Variants in ADAMTS12 observed in about 807,000 individuals in gnomAD.
ADAMTS12 encodes ADAM metallopeptidase with thrombospondin type 1 motif 12, also known as A disintegrin and metalloproteinase with thrombospondin motifs 12.
In ADAMTS12, 118 loss-of-function variants were observed where a neutral mutation model predicts 167.8. The ratio of observed to expected loss-of-function variants is 0.70; its 90% CI spans 0.61 to 0.82. The LOEUF is 0.82. ADAMTS12 is among the 40% of genes least tolerant of loss of function. The pLI is 0.00. For missense variants in ADAMTS12, 1,916 were observed against 1,998.8 expected (o/e 0.96, Z 0.79); for synonymous variants, 704 against 716.9 (o/e 0.98, Z 0.29).
chr5:33,716,771 G>T (rs1743631695), intron 3 of ADAMTS12, among the ~76,000 whole-genome samples: 1 of 152,108 alleles, frequency 6.6e-6, no homozygotes, highest in South Asian at 2.1e-4. Flanking sequence ...TCATGATAAA[G>T]ATCATTTTCT....
At chr5:33,686,684 G>A (rs1281292824) in intron 3 of ADAMTS12, among the ~76,000 whole-genome samples, 1 of 147,620 alleles carries the variant, frequency 6.8e-6, no homozygotes, top group Non-Finnish European at 1.5e-5. Flanking sequence ...TATAAGGAAA[G>A]GAAGAGACAT....
chr5:33,759,555 A>C (rs188733151), intron 2 of ADAMTS12, among the ~76,000 whole-genome samples: 2 of 152,290 alleles, frequency 1.3e-5, no homozygotes, highest in East Asian at 3.9e-4. Context: ...CCTTCAGTCA[A>C]TCTGCTGTCT....
chr5:33,528,463 A>T (rs1168433236), intron 23 of ADAMTS12, among the ~76,000 whole-genome samples: 2 of 152,246 alleles, frequency 1.3e-5, no homozygotes, highest in Non-Finnish European at 2.9e-5. Context: ...GTAGTTTTAA[A>T]CCCGAGTGTC....
In ADAMTS12 at chr5:33,630,202, C is replaced by T. The variant is rs191622200; in HGVS notation, c.2022+578G>A. Among the ~76,000 whole-genome samples the T allele has an allele frequency of 7.2e-4, 109 of 152,216 alleles. 1 individual carries two copies. The highest frequency in any genetic ancestry group is 6.8e-3 in the Middle Eastern group (2 of 294). On this transcript the variant is annotated intron_variant, in intron 13 of 23. Transcript: ENST00000504830. ...ACAAGTCCTGCTCCTCAGTTCCTTG[C>T]AAAATAAAATGCAAGCAGCAACAAG...
intron 23 of ADAMTS12, among the ~76,000 whole-genome samples, chr5:33,529,637 A>G (rs1394576832): frequency 6.6e-6 from 1 of 152,164 alleles, no homozygotes; most frequent in Non-Finnish European, 1.5e-5. Flanking sequence ...CCTTTAGATC[A>G]TAAAGGCAAA....
intron 7 of ADAMTS12, among the ~76,000 whole-genome samples, chr5:33,654,245 C>T (rs1740963330): frequency 6.6e-6 from 1 of 152,102 alleles, no homozygotes; most frequent in Admixed American, 6.5e-5. Flanking sequence ...GCTTTTTCAC[C>T]ATGGCCGCTT....
At chr5:33,725,768 A>G (rs1220794433) in intron 3 of ADAMTS12, among the ~76,000 whole-genome samples, 1 of 152,174 alleles carries the variant, frequency 6.6e-6, no homozygotes, top group African/African-American at 2.4e-5. Flanking sequence ...GAGAAGATTT[A>G]TCAAAGTAGG....
At chr5:33,626,826 G>A (rs1459269496) in intron 13 of ADAMTS12, among the ~76,000 whole-genome samples, 1 of 150,826 alleles carries the variant, frequency 6.6e-6, no homozygotes, top group East Asian at 2.0e-4. Context: ...TTTGACGATG[G>A]TGGTGGTGGT....
chr5:33,649,111 C>T (rs1000923874), intron 8 of ADAMTS12, 145 bp from the exon 9 acceptor site: 1 of 911,474 alleles, frequency 1.1e-6, no homozygotes, highest in Non-Finnish European at 1.6e-6. Context: ...TCTCTAGGCC[C>T]ATCATGGGAG....
intron 16 of ADAMTS12, among the ~76,000 whole-genome samples, chr5:33,600,214 G>C (rs13189279): frequency 0.5 from 76,292 of 151,972 alleles, 19,477 homozygotes; most frequent in South Asian, 0.62. Context: ...CCTTTCCCCA[G>C]GTAGCAACCA....
intron 20 of ADAMTS12, among the ~76,000 whole-genome samples, chr5:33,549,635 G>C (rs554706403): frequency 7.2e-4 from 109 of 152,334 alleles, no homozygotes; most frequent in African/African-American, 2.4e-3. Context: ...ACTGAAGTAC[G>C]CTGAGCCTCA....
Position 33,577,127 on chromosome 5 carries a change from G to T in ADAMTS12, c.2899C>A (p.Arg967Ser), listed in dbSNP as rs375366015. The change falls in exon 19 of 24, where the codon CGC becomes AGC. Residue 967 changes from arginine (R) to serine (S), a missense_variant. By Grantham distance (110) the Arg-to-Ser change is moderately radical. Coordinates refer to ENST00000504830, the MANE Select transcript of ADAMTS12 (RefSeq NM_030955.4). ...SVSCGGGVRI[R>S]SVTCAKNHDE... ...TGGTTCTTGGCACATGTGACACTGCGAATCCGCACTCCACCACCACAGGAA... is the reference window on the plus strand; with the variant it reads ...TGGTTCTTGGCACATGTGACACTGCTAATCCGCACTCCACCACCACAGGAA... The T allele has an allele frequency of 1.9e-6, 3 of 1,614,148 alleles. No individual in the cohort carries two copies. Among genetic ancestry groups the T allele is most frequent in the Non-Finnish European group, 2.5e-6 (3 of 1,180,024 alleles).
At chr5:33,813,610 T>C (rs1373813482) in intron 2 of ADAMTS12, among the ~76,000 whole-genome samples, 1 of 152,248 alleles carries the variant, frequency 6.6e-6, no homozygotes, top group African/African-American at 2.4e-5. Flanking sequence ...AGCTTCTGTG[T>C]CCTCTCACTT....
chr5:33,844,717 T>G (rs575627156), intron 2 of ADAMTS12, among the ~76,000 whole-genome samples: 2 of 152,204 alleles, frequency 1.3e-5, no homozygotes, highest in African/African-American at 4.8e-5. Context: ...GTGAAGCACG[T>G]GATCTCTGTG....
At chr5:33,686,659 T>C (rs903360935) in intron 3 of ADAMTS12, among the ~76,000 whole-genome samples, 2 of 151,586 alleles carry the variant, frequency 1.3e-5, no homozygotes, top group Non-Finnish European at 2.9e-5. Context: ...GCCCCCATCA[T>C]GGGATTAGTG....
At chr5:33,879,626 T>A (rs1171629764) in intron 2 of ADAMTS12, among the ~76,000 whole-genome samples, 1 of 152,196 alleles carries the variant, frequency 6.6e-6, no homozygotes, top group Non-Finnish European at 1.5e-5. Flanking sequence ...TTTTCTGCTA[T>A]GATCTAATTA....
At position 33,588,743 on chromosome 5, in the gene ADAMTS12, G is replaced by C. The variant is rs772553184; in HGVS notation, c.2721C>G (p.Thr907=). 3.5e-5 allele frequency: 57 copies of C among 1,613,970 alleles called. No homozygotes were observed. In the Middle Eastern group the frequency reaches 4.9e-4, roughly 14 times the overall value. The stretch of plus-strand genomic sequence containing the variant: ...AGACCATGGTCTGGATGCACAGCAC[G>C]GTTCGCTTCTTCTCCCCGTGGGGCC... ...TCGPHGEKKR[T]VLCIQTMVSD... The change falls in exon 18 of 24, where the codon ACC becomes ACG. Residue 907 remains threonine, a synonymous_variant. Transcript: ENST00000504830.
At chr5:33,849,079 C>A (rs1257936609) in intron 2 of ADAMTS12, among the ~76,000 whole-genome samples, 5 of 109,438 alleles carry the variant, frequency 4.6e-5, no homozygotes, top group Non-Finnish European at 5.6e-5. Context: ...TATTGCATAG[C>A]AATATATATA....
chr5:33,630,995 C>T (rs112524145), intron 12 of ADAMTS12, 82 bp from the exon 13 acceptor site: 29,913 of 1,515,760 alleles, frequency 0.02, 422 homozygotes, highest in South Asian at 0.045. Flanking sequence ...GTACTTAGGA[C>T]CCCCAAGTGT....
Sources: gnomAD v4.1 joint callset for allele counts (sites outside exome capture counted in the v4.1 genomes callset) on GRCh38, gnomAD v4.1.1 for gene constraint, MANE v1.5 for transcripts, NCBI Gene and HGNC (gene_info 2026-07-23, HGNC 2026-07-21) for gene names.